Variants in GRIP1 observed in about 807,000 individuals in gnomAD.
GRIP1 encodes glutamate receptor-interacting protein 1.
GRIP1 carries 45 observed loss-of-function variants against 129.9 expected under a neutral mutation model. The observed-to-expected ratio is 0.35, with a 90% CI of 0.27 to 0.44. The LOEUF is 0.44. Ranked by LOEUF, GRIP1 falls within the 20% of genes least tolerant of loss-of-function variation. The probability of loss-of-function intolerance (pLI) is 1.00; values close to 1 mark genes in which losing one functional copy is unlikely to be tolerated. For missense variants in GRIP1, 1,196 were observed against 1,396.8 expected (o/e 0.86, Z 2.29); for synonymous variants, 530 against 520.8 (o/e 1.02, Z -0.24).
chr12:66,633,206 T>C (rs2030995400), intron 1 of GRIP1, among the ~76,000 whole-genome samples: 1 of 147,224 alleles, frequency 6.8e-6, no homozygotes, highest in Non-Finnish European at 1.5e-5. Flanking sequence ...TGTATATATA[T>C]ATGTGTGTGT....
At chr12:66,454,683 C>T (rs1017757783) in intron 11 of GRIP1, among the ~76,000 whole-genome samples, 5 of 152,158 alleles carry the variant, frequency 3.3e-5, no homozygotes, top group Admixed American at 6.5e-5. Context: ...TAGTCTATAT[C>T]GTGTTTGGCT....
intron 1 of GRIP1, among the ~76,000 whole-genome samples, chr12:66,938,884 G>A (rs1014786407): frequency 6.6e-6 from 1 of 152,182 alleles, no homozygotes; most frequent in Non-Finnish European, 1.5e-5. Context: ...TTGAACCTGG[G>A]AGGTGGAGGT....
chr12:66,750,189 A>G (rs948741787), intron 1 of GRIP1, among the ~76,000 whole-genome samples: 22 of 152,164 alleles, frequency 1.4e-4, no homozygotes, highest in Admixed American at 1.4e-3. Flanking sequence ...CCTGTCAAGC[A>G]TTTAGGTTTG....
At chr12:67,054,982 G>A (rs1416744774) in intron 1 of GRIP1, among the ~76,000 whole-genome samples, 3 of 152,110 alleles carry the variant, frequency 2.0e-5, no homozygotes, top group Admixed American at 1.3e-4. Context: ...ATTGGAAATC[G>A]GCTACTGGGT....
At chr12:66,769,264 T>C (rs2037742652) in intron 1 of GRIP1, among the ~76,000 whole-genome samples, 2 of 151,186 alleles carry the variant, frequency 1.3e-5, no homozygotes, top group South Asian at 4.2e-4. Context: ...TCTGAAAGTG[T>C]GTTTCTTGGA....
intron 7 of GRIP1, among the ~76,000 whole-genome samples, chr12:66,501,198 C>T (rs1159772374): frequency 4.6e-5 from 7 of 152,158 alleles, no homozygotes; most frequent in African/African-American, 1.7e-4. Flanking sequence ...ATCTCCTTGA[C>T]AGCATGACTG....
intron 13 of GRIP1, among the ~76,000 whole-genome samples, chr12:66,435,051 G>A (rs1164862007): frequency 6.6e-6 from 1 of 152,200 alleles, no homozygotes; most frequent in African/African-American, 2.4e-5. Context: ...GAGGAAATGG[G>A]ATGAGGGCAT....
chr12:66,603,589 A>T (rs2064378821), intron 1 of GRIP1, among the ~76,000 whole-genome samples: 1 of 152,366 alleles, frequency 6.6e-6, no homozygotes, highest in Non-Finnish European at 1.5e-5. Flanking sequence ...CAGCAACTGC[A>T]CAGGTAGTGA....
intron 1 of GRIP1, among the ~76,000 whole-genome samples, chr12:66,884,478 C>T (rs890041857): frequency 6.6e-5 from 10 of 152,022 alleles, no homozygotes; most frequent in African/African-American, 2.2e-4. Flanking sequence ...GTAATACGCA[C>T]GAACAGGATG....
At chr12:66,496,709 A>G (rs2060247675) in intron 7 of GRIP1, among the ~76,000 whole-genome samples, 1 of 152,182 alleles carries the variant, frequency 6.6e-6, no homozygotes, top group South Asian at 2.1e-4. Context: ...ATCTCTTGGT[A>G]TGGGCCAATG....
intron 1 of GRIP1, among the ~76,000 whole-genome samples, chr12:67,060,053 A>G (rs1313991731): frequency 6.6e-6 from 1 of 152,330 alleles, no homozygotes; most frequent in East Asian, 1.9e-4. Flanking sequence ...GAAAAAAAAC[A>G]GCTCTTCATT....
intron 1 of GRIP1, among the ~76,000 whole-genome samples, chr12:66,723,198 CTTCT>C (rs1302597025): frequency 2.2e-5 from 2 of 91,114 alleles, no homozygotes; most frequent in African/African-American, 9.7e-5. Flanking sequence ...GGTTTTTCAT[CTTCT>C]TTTCTTTCTT....
chr12:67,019,169 G>A (rs913899985), intron 1 of GRIP1, among the ~76,000 whole-genome samples: 1 of 152,090 alleles, frequency 6.6e-6, no homozygotes, highest in African/African-American at 2.4e-5. Context: ...GGCGCAAAAG[G>A]CAAACTTCCT....
chr12:66,551,363 A>C (rs752689332), intron 2 of GRIP1, among the ~76,000 whole-genome samples: 11 of 152,230 alleles, frequency 7.2e-5, no homozygotes, highest in Non-Finnish European at 1.3e-4. Flanking sequence ...TATGCTGCTG[A>C]GAAAGTCCTC....
intron 23 of GRIP1, among the ~76,000 whole-genome samples, chr12:66,365,764 T>C (rs1205650321): frequency 6.6e-6 from 1 of 152,244 alleles, no homozygotes; most frequent in Admixed American, 6.5e-5. Context: ...GGTGGCTTTA[T>C]GGCAGCCATC....
chr12:66,872,409 C>T (rs1453241406), intron 1 of GRIP1, among the ~76,000 whole-genome samples: 1 of 151,936 alleles, frequency 6.6e-6, no homozygotes, highest in Non-Finnish European at 1.5e-5. Context: ...CTCAACTGTT[C>T]CTATATTAAA....
At chr12:66,665,908 G>A in intron 1 of GRIP1, among the ~76,000 whole-genome samples, 1 of 152,026 alleles carries the variant, frequency 6.6e-6, no homozygotes, top group East Asian at 1.9e-4. Flanking sequence ...AGTTCCAATT[G>A]CTTTAAATCT....
intron 22 of GRIP1, among the ~76,000 whole-genome samples, 171 bp downstream of exon 22, chr12:66,376,846 C>G (rs1489330261): frequency 6.6e-6 from 1 of 152,152 alleles, no homozygotes; most frequent in African/African-American, 2.4e-5. Flanking sequence ...GAAACAGATA[C>G]AATCAGGGTT....
chr12:66,821,221 T>C (rs780447884), intron 1 of GRIP1, among the ~76,000 whole-genome samples: 10 of 152,238 alleles, frequency 6.6e-5, no homozygotes, highest in Non-Finnish European at 1.2e-4. Context: ...TTTTCTAGTA[T>C]ATATAGTAAA....
Sources: allele counts gnomAD v4.1 joint callset (sites outside exome capture counted in the v4.1 genomes callset), GRCh38; gene constraint gnomAD v4.1.1; transcripts MANE v1.5; gene names NCBI Gene and HGNC (gene_info 2026-07-23, HGNC 2026-07-21).